The following SGCZ variants were observed in gnomAD, a reference collection of about 807,000 sequenced individuals.
SGCZ encodes the protein zeta-sarcoglycan.
In SGCZ, 40 loss-of-function variants were observed where a neutral mutation model predicts 41.3. The observed-to-expected ratio is 0.97, with a 90% CI of 0.75 to 1.26. The LOEUF (loss-of-function observed/expected upper bound fraction) is 1.26. Among genes scored for constraint, SGCZ ranks in the 50% most tolerant of loss-of-function variants. SGCZ has a pLI of 0.00. For synonymous variants in SGCZ, 206 were observed against 137.5 expected (o/e 1.50, Z -3.49); for missense variants, 552 against 369.8 (o/e 1.49, Z -4.04).
intron 1 of SGCZ, among the ~76,000 whole-genome samples, chr8:14,872,427 T>C (rs1313602442): frequency 1.3e-5 from 2 of 152,162 alleles, no homozygotes; most frequent in Non-Finnish European, 2.9e-5. Flanking sequence ...ATAAAAGTGG[T>C]TACTATTAAT....
intron 2 of SGCZ, among the ~76,000 whole-genome samples, chr8:14,403,689 C>G (rs570039065): frequency 1.3e-5 from 2 of 152,194 alleles, no homozygotes; most frequent in South Asian, 4.1e-4. Context: ...GTATTTCTCA[C>G]AGTATTATAC....
intron 4 of SGCZ, among the ~76,000 whole-genome samples, chr8:14,177,056 T>C (rs1804564467): frequency 6.6e-6 from 1 of 152,084 alleles, no homozygotes; most frequent in South Asian, 2.1e-4. Context: ...ACAAGGATCG[T>C]AGAGAGTAAG....
At chr8:14,709,552 C>G (rs17322098) in intron 1 of SGCZ, among the ~76,000 whole-genome samples, 1 of 151,982 alleles carries the variant, frequency 6.6e-6, no homozygotes, top group South Asian at 2.1e-4. Context: ...TTTGCTAATT[C>G]GCTTGTTACG....
intron 2 of SGCZ, among the ~76,000 whole-genome samples, chr8:14,338,314 T>C (rs1295232285): frequency 1.3e-5 from 2 of 152,176 alleles, no homozygotes; most frequent in Non-Finnish European, 2.9e-5. Flanking sequence ...GCACCAACAA[T>C]AGAAAACTTA....
At chr8:14,175,417 T>G (rs1464666895) in intron 4 of SGCZ, among the ~76,000 whole-genome samples, 1 of 152,034 alleles carries the variant, frequency 6.6e-6, no homozygotes, top group African/African-American at 2.4e-5. Flanking sequence ...GCAATAATAA[T>G]GTCGTAGTTT....
At chr8:14,763,964 G>A (rs1474914234) in intron 1 of SGCZ, among the ~76,000 whole-genome samples, 14 of 152,184 alleles carry the variant, frequency 9.2e-5, no homozygotes, top group Non-Finnish European at 1.9e-4. Context: ...AAGTAGTTAT[G>A]GGTACACCTG....
At chr8:15,054,257 T>A (rs1004592796) in intron 1 of SGCZ, among the ~76,000 whole-genome samples, 2 of 152,230 alleles carry the variant, frequency 1.3e-5, no homozygotes, top group African/African-American at 4.8e-5. Flanking sequence ...GTCACCCACA[T>A]TGATTTATCT....
intron 1 of SGCZ, among the ~76,000 whole-genome samples, chr8:15,160,377 T>A (rs1484120895): frequency 6.6e-6 from 1 of 152,234 alleles, no homozygotes; most frequent in Non-Finnish European, 1.5e-5. Context: ...GCTGTGTTTA[T>A]CGATTTATCT....
chr8:14,611,823 T>C (rs988719313), intron 1 of SGCZ, among the ~76,000 whole-genome samples: 2 of 152,114 alleles, frequency 1.3e-5, no homozygotes, highest in Non-Finnish European at 2.9e-5. Flanking sequence ...CACAATAGAT[T>C]GCTATGTAGT....
chr8:14,526,006 G>T (rs1802936405), intron 2 of SGCZ, among the ~76,000 whole-genome samples: 1 of 151,980 alleles, frequency 6.6e-6, no homozygotes, highest in East Asian at 1.9e-4. Context: ...AGTAGTATTA[G>T]GTTTCTGTAA....
chr8:14,507,653 T>C (rs899157206), intron 2 of SGCZ, among the ~76,000 whole-genome samples: 48 of 152,214 alleles, frequency 3.2e-4, no homozygotes, highest in Non-Finnish European at 5.6e-4. Flanking sequence ...TCAGATTCTT[T>C]GTCGATGTAC....
chr8:14,936,812 A>T (rs1180264403), intron 1 of SGCZ, among the ~76,000 whole-genome samples: 2 of 151,932 alleles, frequency 1.3e-5, no homozygotes, highest in African/African-American at 4.8e-5. Context: ...CTAATGATTC[A>T]AAAAACAAAT....
chr8:14,686,465 A>T (rs1585182037), intron 1 of SGCZ, among the ~76,000 whole-genome samples: 1 of 152,138 alleles, frequency 6.6e-6, no homozygotes, highest in African/African-American at 2.4e-5. Flanking sequence ...CTGAAAATAA[A>T]CTAGGAGTAA....
intron 1 of SGCZ, among the ~76,000 whole-genome samples, chr8:14,617,037 T>C (rs1040686739): frequency 6.6e-6 from 1 of 152,004 alleles, no homozygotes; most frequent in East Asian, 1.9e-4. Context: ...AATTCAGATA[T>C]TAGGAAGAGA....
chr8:14,321,002 G>C (rs1262541836), intron 3 of SGCZ, among the ~76,000 whole-genome samples: 3 of 152,028 alleles, frequency 2.0e-5, no homozygotes, highest in Non-Finnish European at 4.4e-5. Context: ...GTTTTAAAAA[G>C]TCTGAAGATT....
At chr8:14,722,163 T>G (rs1809907791) in intron 1 of SGCZ, among the ~76,000 whole-genome samples, 1 of 152,176 alleles carries the variant, frequency 6.6e-6, no homozygotes. Flanking sequence ...ATGCATTTCA[T>G]TTTTCTATTT....
chr8:14,420,358 GC>G (rs1799606394), intron 2 of SGCZ, among the ~76,000 whole-genome samples: 1 of 151,876 alleles, frequency 6.6e-6, no homozygotes, highest in East Asian at 1.9e-4. Flanking sequence ...ATTCACAATT[GC>G]CCCATTGCTA....
chr8:14,481,836 A>G (rs1190167451), intron 2 of SGCZ, among the ~76,000 whole-genome samples: 1 of 152,182 alleles, frequency 6.6e-6, no homozygotes, highest in Non-Finnish European at 1.5e-5. Flanking sequence ...CAGCTGGAAA[A>G]CTAGACAAAC....
intron 1 of SGCZ, among the ~76,000 whole-genome samples, chr8:14,555,454 T>A (rs1421685313): frequency 6.6e-6 from 1 of 152,040 alleles, no homozygotes; most frequent in East Asian, 1.9e-4. Flanking sequence ...TTGGACCTGC[T>A]CCTGCCATAT....
Sources: gnomAD v4.1 joint callset for allele counts (sites outside exome capture counted in the v4.1 genomes callset) on GRCh38, gnomAD v4.1.1 for gene constraint, MANE v1.5 for transcripts, NCBI Gene and HGNC (gene_info 2026-07-23, HGNC 2026-07-21) for gene names.